The following SLC1A3 variants were observed in gnomAD, a reference collection of about 807,000 sequenced individuals.
SLC1A3 encodes solute carrier family 1 member 3.
SLC1A3 carries 21 observed loss-of-function variants against 48.1 expected under a neutral mutation model. That is an observed-to-expected ratio of 0.44 (90% CI 0.31 to 0.63). The LOEUF is 0.63. Ranked by LOEUF, SLC1A3 falls within the 20% of genes least tolerant of loss-of-function variation. The pLI is 0.08. For missense variants in SLC1A3, 546 were observed against 689.0 expected, an observed-to-expected ratio of 0.79 and a Z score of 2.32; for synonymous variants, 239 against 251.4, an observed-to-expected ratio of 0.95 and a Z score of 0.47.
chr5:36,682,276 T>G (rs1285132905), intron 8 of SLC1A3, among the ~76,000 whole-genome samples: 2 of 152,240 alleles, frequency 1.3e-5, no homozygotes, highest in African/African-American at 4.8e-5. Context: ...GTTGTTATGT[T>G]TATTTAGAAA....
intron 3 of SLC1A3, among the ~76,000 whole-genome samples, chr5:36,643,998 C>A (rs1304215765): frequency 1.4e-5 from 2 of 147,960 alleles, no homozygotes; most frequent in South Asian, 2.2e-4. Context: ...GGCAACAGGG[C>A]AAGACTCCGT....
intron 3 of SLC1A3, among the ~76,000 whole-genome samples, chr5:36,655,979 C>T (rs1308568279): frequency 6.6e-6 from 1 of 152,148 alleles, no homozygotes; most frequent in African/African-American, 2.4e-5. Flanking sequence ...CCTCAGTAAT[C>T]AGATAAATAA....
chr5:36,661,902 A>C (rs1741528545), intron 3 of SLC1A3, among the ~76,000 whole-genome samples: 2 of 152,208 alleles, frequency 1.3e-5, no homozygotes, highest in Non-Finnish European at 2.9e-5. Context: ...ATTCGGTCCC[A>C]TTTAGCATTC....
chr5:36,668,185 A>G (rs1241046689), intron 3 of SLC1A3: 2 of 152,050 alleles, frequency 1.3e-5, no homozygotes, highest in African/African-American at 2.4e-5. Flanking sequence ...TGCTCCAGAC[A>G]CTCTGACATC....
At chr5:36,601,808 T>C (rs1738811812), upstream of SLC1A3, among the ~76,000 whole-genome samples, 1 of 152,086 alleles carries the variant, frequency 6.6e-6, no homozygotes, top group Non-Finnish European at 1.5e-5. Flanking sequence ...TTTTTCCTTT[T>C]AAGTTTGATG....
chr5:36,685,181 GAATT>G (rs1742595637), intron 9 of SLC1A3, among the ~76,000 whole-genome samples: 1 of 152,108 alleles, frequency 6.6e-6, no homozygotes, highest in Admixed American at 6.5e-5. Flanking sequence ...ATAATGGAAT[GAATT>G]TATTATCATC....
At chr5:36,616,001 G>A (rs1471681143) in intron 2 of SLC1A3, among the ~76,000 whole-genome samples, 1 of 152,192 alleles carries the variant, frequency 6.6e-6, no homozygotes, top group Non-Finnish European at 1.5e-5. Context: ...TTCAAGACCA[G>A]CCTGGCCAAG....
At chr5:36,658,894 C>A (rs896646413) in intron 3 of SLC1A3, among the ~76,000 whole-genome samples, 2 of 152,130 alleles carry the variant, frequency 1.3e-5, no homozygotes, top group Non-Finnish European at 2.9e-5. Context: ...TATGACTCTC[C>A]AGTTCAATGA....
intron 3 of SLC1A3, among the ~76,000 whole-genome samples, chr5:36,634,004 C>T (rs977630122): frequency 7.6e-4 from 116 of 152,272 alleles, no homozygotes; most frequent in African/African-American, 2.7e-3. Context: ...GGCTGGGCGT[C>T]GTGGCTCATG....
chr5:36,663,977 A>T (rs563885951), intron 3 of SLC1A3, among the ~76,000 whole-genome samples: 67 of 152,360 alleles, frequency 4.4e-4, no homozygotes, highest in African/African-American at 1.5e-3. Flanking sequence ...TTTCTGTTCA[A>T]GTGAAATGAC....
At chr5:36,674,220 C>A in intron 5 of SLC1A3, 129 bp downstream of exon 5, 2 of 792,018 alleles carry the variant, frequency 2.5e-6, no homozygotes, top group Non-Finnish European at 4.3e-6. Flanking sequence ...AGATTAAAAA[C>A]ACTAGCGTTT....
At chr5:36,646,214 A>G (rs1034556564) in intron 3 of SLC1A3, among the ~76,000 whole-genome samples, 2 of 152,236 alleles carry the variant, frequency 1.3e-5, no homozygotes, top group Non-Finnish European at 2.9e-5. Flanking sequence ...TGCCAAAGAC[A>G]GGACAGATTA....
chr5:36,596,729 G>T (rs1197427566), intron 1 of SLC1A3, among the ~76,000 whole-genome samples: 1 of 152,182 alleles, frequency 6.6e-6, no homozygotes, highest in Non-Finnish European at 1.5e-5. Context: ...CATCTAAAAA[G>T]AGTTTCCCTA....
intron 5 of SLC1A3, among the ~76,000 whole-genome samples, chr5:36,676,059 T>C (rs1549627): frequency 0.5 from 75,274 of 151,998 alleles, 19,229 homozygotes; most frequent in Middle Eastern, 0.62. Context: ...GGCATCTATG[T>C]AGAAACTGAA....
chr5:36,609,119 TG>T, intron 2 of SLC1A3: 3 of 986,102 alleles, frequency 3.0e-6, no homozygotes, highest in Non-Finnish European at 3.6e-6. Context: ...ACCCAGCAAC[TG>T]GGAAAGGTAG....
At chr5:36,667,809 A>C (rs943018037) in intron 3 of SLC1A3, 3 of 152,186 alleles carry the variant, frequency 2.0e-5, no homozygotes, top group African/African-American at 7.2e-5. Context: ...TTTGGATTTC[A>C]GGGGGGTCTT....
chr5:36,642,519 T>C (rs1740655591), intron 3 of SLC1A3, among the ~76,000 whole-genome samples: 1 of 152,352 alleles, frequency 6.6e-6, no homozygotes, highest in South Asian at 2.1e-4. Context: ...CCTAGGTTTA[T>C]CTTATTTCAA....
chr5:36,621,540 G>T (rs1272069730), intron 2 of SLC1A3, among the ~76,000 whole-genome samples: 1 of 152,188 alleles, frequency 6.6e-6, no homozygotes, highest in Admixed American at 6.5e-5. Context: ...AGGTGAAGTA[G>T]AGGCAGAGAA....
intron 3 of SLC1A3, among the ~76,000 whole-genome samples, chr5:36,654,892 C>T (rs1040705204): frequency 1.3e-5 from 2 of 152,122 alleles, no homozygotes; most frequent in African/African-American, 4.8e-5. Flanking sequence ...TAAACAGGGG[C>T]CAGCTGAGTG....
Sources: allele counts gnomAD v4.1 joint callset (sites outside exome capture counted in the v4.1 genomes callset), GRCh38; gene constraint gnomAD v4.1.1; transcripts MANE v1.5; gene names NCBI Gene and HGNC (gene_info 2026-07-23, HGNC 2026-07-21).